Variants in DST observed in about 807,000 individuals in gnomAD.
DST encodes bullous pemphigoid antigen.
DST carries 253 observed loss-of-function variants against 875.2 expected under a neutral mutation model. The observed-to-expected ratio is 0.29, with a 90% CI of 0.26 to 0.32. The LOEUF is 0.32. Among genes scored for constraint, DST ranks in the 10% least tolerant of loss-of-function variants. DST has a pLI of 1.00. For synonymous variants in DST, 3,124 were observed against 3,197.1 expected (o/e 0.98, Z 0.77); for missense variants, 8,287 against 9,111.6 (o/e 0.91, Z 3.68).
chr6:56,931,924 G>A (rs111284498), intron 2 of DST, among the ~76,000 whole-genome samples: 3,665 of 152,190 alleles, frequency 0.024, 151 homozygotes, highest in African/African-American at 0.083. Flanking sequence ...TTGGACTTTC[G>A]GGTTAATGCT....
At chr6:56,697,983 T>C (rs745561307) in intron 9 of DST, among the ~76,000 whole-genome samples, 7 of 152,222 alleles carry the variant, frequency 4.6e-5, no homozygotes, top group Non-Finnish European at 1.0e-4. Context: ...AGGTTCAATA[T>C]CTTTGATTCC....
Position 56,606,156 on chromosome 6 carries a change from T to TC in DST, c.8471dup (p.Pro2826AlafsTer8). The stretch of plus-strand genomic sequence containing the variant: ...CAGCCACATTTTGGCACCTGGGCTT[T>TC]CCATTCTCATCTCTTATACCTCCTC... On this transcript the variant is annotated frameshift_variant, in exon 40 of 104. Transcript: ENST00000680361. LOFTEE classifies it high-confidence loss of function. 6.2e-6 allele frequency: 10 copies of TC among 1,606,758 alleles called. No individual in the cohort carries two copies. The highest frequency in any genetic ancestry group is 7.7e-6 in the Non-Finnish European group (9 of 1,175,532).
At chr6:56,670,497 C>A (rs1270158010) in intron 10 of DST, 144 bp downstream of exon 10, 1 of 699,640 alleles carries the variant, frequency 1.4e-6, no homozygotes, top group Middle Eastern at 4.2e-4. Context: ...CTGCACCTGG[C>A]CAATTTTTTA....
intron 4 of DST, among the ~76,000 whole-genome samples, chr6:56,771,071 G>C (rs1589966129): frequency 6.7e-6 from 1 of 148,854 alleles, no homozygotes. Flanking sequence ...TTTGAGAAAA[G>C]AAAAGCTCTA....
At chr6:56,472,819 T>C (rs1234530962) in intron 93 of DST, among the ~76,000 whole-genome samples, 1 of 152,226 alleles carries the variant, frequency 6.6e-6, no homozygotes, top group East Asian at 1.9e-4. Context: ...TTTACTGCCT[T>C]ACTAAACTTT....
At chr6:56,462,034 T>C (rs1757169019) in intron 102 of DST, 1 of 152,240 alleles carries the variant, frequency 6.6e-6, no homozygotes, top group African/African-American at 2.4e-5. Context: ...GAGGATTAAG[T>C]AACAGACAAG....
intron 10 of DST, among the ~76,000 whole-genome samples, chr6:56,657,171 A>G (rs1216519179): frequency 2.0e-5 from 3 of 152,114 alleles, no homozygotes; most frequent in Non-Finnish European, 4.4e-5. Flanking sequence ...AAAAACATCC[A>G]CAATGTCATC....
chr6:56,546,353 T>TATATATATATATATTTC (rs2097221752), intron 61 of DST, among the ~76,000 whole-genome samples: 1 of 35,770 alleles, frequency 2.8e-5, no homozygotes, highest in African/African-American at 2.1e-4. Flanking sequence ...ATTTCATATA[T>TATATATATATATATTTC]ATATATATAT....
chr6:56,581,502 C>T (rs2152647769), intron 49 of DST, among the ~76,000 whole-genome samples: 1 of 152,224 alleles, frequency 6.6e-6, no homozygotes, highest in South Asian at 2.1e-4. Context: ...TAGCAGTCCC[C>T]GCGTATCTCT....
intron 94 of DST, among the ~76,000 whole-genome samples, chr6:56,471,608 A>G (rs2894837): frequency 0.44 from 66,189 of 151,944 alleles, 15,831 homozygotes; most frequent in African/African-American, 0.64. Flanking sequence ...TAACCCTTCA[A>G]TCTCTCTCCC....
At chr6:56,513,217 A>G (rs2096517510) in intron 72 of DST, among the ~76,000 whole-genome samples, 1 of 146,944 alleles carries the variant, frequency 6.8e-6, no homozygotes, top group African/African-American at 2.5e-5. Context: ...TGGCTTGGCA[A>G]GTAGTGAGAG....
At chr6:56,602,757 C>A in intron 43 of DST, 125 bp downstream of exon 43, 1 of 685,202 alleles carries the variant, frequency 1.5e-6, no homozygotes, top group Non-Finnish European at 2.2e-6. Context: ...ATAAAGACAT[C>A]TCTAGAGACA....
intron 101 of DST, among the ~76,000 whole-genome samples, 199 bp from the exon 102 acceptor site, chr6:56,463,355 C>T (rs1338755889): frequency 6.6e-6 from 1 of 152,126 alleles, no homozygotes; most frequent in East Asian, 1.9e-4. Context: ...TGGAAGATCA[C>T]AAAGGCTTCC....
At chr6:56,518,723 C>A (rs140879178) in intron 69 of DST, among the ~76,000 whole-genome samples, 4 of 152,180 alleles carry the variant, frequency 2.6e-5, no homozygotes, top group Non-Finnish European at 5.9e-5. Context: ...GCCTGTGACA[C>A]CACAGTACCA....
At chr6:56,819,111 T>G (rs562831062) in intron 4 of DST, among the ~76,000 whole-genome samples, 35 of 152,142 alleles carry the variant, frequency 2.3e-4, no homozygotes, top group Non-Finnish European at 3.7e-4. Context: ...TTTCAGAAAT[T>G]TCAAATTCCT....
chr6:56,648,591 A>T lies in DST; in HGVS notation c.1533T>A (p.Pro511=), dbSNP rs746876798. ...HVTTMSERTF[P]NNPVELKALY... Reference sequence around the variant, plus strand: ...TAACCTTCAGTTCTACAGGATTATTAGGAAATGTTCTCTCAGACATTGTGG... The same window carrying T: ...TAACCTTCAGTTCTACAGGATTATTTGGAAATGTTCTCTCAGACATTGTGG... Residue 511 remains proline, a synonymous_variant, in exon 13 of 104, where the codon CCT becomes CCA. Transcript: ENST00000680361. 1.3e-5 allele frequency: 20 copies of T among 1,585,008 alleles called. No individual in the cohort carries two copies. Among genetic ancestry groups the T allele is most frequent in the Non-Finnish European group, 1.7e-5 (20 of 1,163,280 alleles).
intron 36 of DST, chr6:56,616,524 CTACATCAAA>C: frequency 1.2e-6 from 2 of 1,614,154 alleles, no homozygotes; most frequent in African/African-American, 2.7e-5. Context: ...CATTGGGACT[CTACATCAAA>C]TACACACATT....
At chr6:56,511,497 A>C in intron 72 of DST, 97 bp from the exon 73 acceptor site, 1 of 948,806 alleles carries the variant, frequency 1.1e-6, no homozygotes, top group Non-Finnish European at 1.6e-6. Flanking sequence ...AGAAACTCCA[A>C]ACAAACCCCT....
chr6:56,602,822 G>T, intron 43 of DST, 60 bp downstream of exon 43: 1 of 1,256,322 alleles, frequency 8.0e-7, no homozygotes, highest in African/African-American at 1.5e-5. Flanking sequence ...CTAAACACTT[G>T]TTATATATTA....
Sources: gnomAD v4.1 joint callset for allele counts (sites outside exome capture counted in the v4.1 genomes callset) on GRCh38, gnomAD v4.1.1 for gene constraint, MANE v1.5 for transcripts, NCBI Gene and HGNC (gene_info 2026-07-23, HGNC 2026-07-21) for gene names.